Variants in CDC27 observed in about 807,000 individuals in gnomAD.
The protein encoded by CDC27 is cell division cycle protein 27 homolog.
Under a neutral mutation model 109.7 loss-of-function variants are expected in CDC27, and 27 were observed. That is an observed-to-expected ratio of 0.25 (90% CI 0.18 to 0.34). The LOEUF (loss-of-function observed/expected upper bound fraction) is 0.34, where lower values mean the gene tolerates loss of function less well. Ranked by LOEUF, CDC27 falls within the 10% of genes least tolerant of loss-of-function variation. The pLI is 1.00. For synonymous variants in CDC27, 266 were observed against 333.9 expected, an observed-to-expected ratio of 0.80 and a Z score of 2.22; for missense variants, 579 against 960.2, an observed-to-expected ratio of 0.60 and a Z score of 5.25.
At chr17:47,163,294 G>A (rs1056531536) in intron 4 of CDC27, among the ~76,000 whole-genome samples, 50 of 152,162 alleles carry the variant, frequency 3.3e-4, no homozygotes, top group Admixed American at 1.5e-3. Flanking sequence ...CCACATGTAT[G>A]TATCTAGATT....
rs74720779 is a variant in CDC27, at chr17:47,189,218, G to C, written c.-46C>G. 3 of 1,541,860 alleles carry C rather than the reference G, an allele frequency of 1.9e-6. No homozygotes were observed. Among genetic ancestry groups the C allele is most frequent in the Non-Finnish European group, 2.7e-6 (3 of 1,114,504 alleles). The stretch of plus-strand genomic sequence containing the variant: ...TTCTGCAGTGCCTCAGGCCCCCCCT[G>C]TAGCGGCTCCGGCCCGGCCAGCCCC... On this transcript the variant is annotated 5_prime_UTR_variant, in exon 1 of 19. It introduces an in-frame stop codon into an upstream open reading frame of the 5' UTR. Transcript: ENST00000066544.
At chr17:47,140,270 A>G (rs1233457136) in intron 12 of CDC27, among the ~76,000 whole-genome samples, 1 of 152,090 alleles carries the variant, frequency 6.6e-6, no homozygotes, top group Non-Finnish European at 1.5e-5. Flanking sequence ...GTGCCACCAC[A>G]CCCAGCTAAT....
At chr17:47,129,605 A>G in intron 15 of CDC27, 84 bp from the exon 16 acceptor site, 1 of 893,712 alleles carries the variant, frequency 1.1e-6, no homozygotes, top group Non-Finnish European at 1.7e-6. Flanking sequence ...AAACCAACAT[A>G]ATCAAATTAT....
At chr17:47,176,492 A>G (rs986031731) in intron 2 of CDC27, among the ~76,000 whole-genome samples, 4 of 152,226 alleles carry the variant, frequency 2.6e-5, no homozygotes, top group Non-Finnish European at 5.9e-5. Flanking sequence ...TAGAGTAAAA[A>G]GACCACAAAT....
In CDC27 at chr17:47,120,645, T is replaced by C; in HGVS notation, c.*290A>G. The C allele has an allele frequency of 3.5e-6, 1 of 283,704 alleles. No homozygotes were observed. The highest frequency in any genetic ancestry group is 6.6e-6 in the Non-Finnish European group (1 of 150,692). 17.6% of individuals were successfully genotyped at this position (283,704 alleles called of 1,614,324 possible). A position where few individuals can be genotyped will look rare whatever the true frequency, so the allele number is the denominator to read the frequency against. The stretch of plus-strand genomic sequence containing the variant: ...AGATAAAGCATAACTCTTCCTTTCA[T>C]GATACTTTCCAACAAAGGGAGATTA... On this transcript the variant is annotated 3_prime_UTR_variant, in exon 19 of 19. Coordinates refer to ENST00000066544, the MANE Select transcript of CDC27 (RefSeq NM_001256.6).
intron 14 of CDC27, among the ~76,000 whole-genome samples, chr17:47,135,146 ACTC>A (rs1426423698): frequency 1.3e-5 from 2 of 152,058 alleles, no homozygotes; most frequent in African/African-American, 4.8e-5. Flanking sequence ...TAAAGGCTGA[ACTC>A]CTAACAATGC....
chr17:47,152,677 G>T (rs1250836793), intron 8 of CDC27, among the ~76,000 whole-genome samples: 1 of 152,078 alleles, frequency 6.6e-6, no homozygotes, highest in African/African-American at 2.4e-5. Context: ...CTGATGTCCT[G>T]TACACAATCC....
intron 16 of CDC27, among the ~76,000 whole-genome samples, chr17:47,127,579 T>C (rs2062183722): frequency 6.6e-6 from 1 of 152,060 alleles, no homozygotes. Flanking sequence ...ATTTTTGTAT[T>C]TTTAGTAGAG....
chr17:47,181,907 TC>T (rs897580028), intron 1 of CDC27, among the ~76,000 whole-genome samples: 4 of 152,182 alleles, frequency 2.6e-5, no homozygotes, highest in African/African-American at 7.2e-5. Context: ...CAATGTGGGC[TC>T]CCCTCACCAG....
intron 4 of CDC27, among the ~76,000 whole-genome samples, chr17:47,168,454 G>C (rs961947620): frequency 6.6e-5 from 10 of 152,094 alleles, no homozygotes; most frequent in Non-Finnish European, 1.5e-5. Context: ...TTTGTTTACT[G>C]TTTCTCTTCT....
At chr17:47,144,871 T>TCACA (rs35160918) in intron 9 of CDC27, among the ~76,000 whole-genome samples, 6,577 of 149,960 alleles carry the variant, frequency 0.044, 192 homozygotes, top group Non-Finnish European at 0.064. Flanking sequence ...TGTGTGTATA[T>TCACA]CACACACACA....
At chr17:47,123,812 A>T in intron 17 of CDC27, 74 bp downstream of exon 17, 3 of 1,049,366 alleles carry the variant, frequency 2.9e-6, no homozygotes, top group Non-Finnish European at 4.2e-6. Flanking sequence ...TACAGGAAGT[A>T]TTACATTTAT....
chr17:47,146,885 C>T (rs892937340), intron 9 of CDC27, among the ~76,000 whole-genome samples: 5 of 151,822 alleles, frequency 3.3e-5, no homozygotes, highest in African/African-American at 1.2e-4. Flanking sequence ...AGCAACACAG[C>T]AAGACCCCAT....
chr17:47,123,988 G>A (rs2062053532), intron 16 of CDC27, 28 bp from the exon 17 acceptor site: 1 of 1,519,032 alleles, frequency 6.6e-7, no homozygotes, highest in Non-Finnish European at 8.9e-7. Context: ...AAACCTTAAA[G>A]TAGCAAAAAT....
chr17:47,189,007 A>T, intron 1 of CDC27, 139 bp downstream of exon 1: 1 of 1,501,136 alleles, frequency 6.7e-7, no homozygotes, highest in Non-Finnish European at 9.0e-7. Context: ...CGAACTGACT[A>T]AAGATAGGCA....
At chr17:47,181,089 CA>C (rs542120720) in intron 2 of CDC27, among the ~76,000 whole-genome samples, 275 of 129,782 alleles carry the variant, frequency 2.1e-3, no homozygotes, top group Admixed American at 2.7e-3. Flanking sequence ...CTATCTCTAC[CA>C]AAAAAAAAAA....
At chr17:47,189,066 C>T in intron 1 of CDC27, 80 bp downstream of exon 1, 1 of 1,547,338 alleles carries the variant, frequency 6.5e-7, no homozygotes, top group Non-Finnish European at 8.9e-7. Flanking sequence ...CTAGGCCGCA[C>T]CAGGCCGCGG....
At chr17:47,172,432 G>A (rs908601685) in intron 2 of CDC27, among the ~76,000 whole-genome samples, 4 of 152,000 alleles carry the variant, frequency 2.6e-5, no homozygotes, top group African/African-American at 9.7e-5. Flanking sequence ...CGGGAGGATA[G>A]AAGTCAAATT....
In CDC27 at chr17:47,168,342, G is replaced by A. The variant is rs567259274; in HGVS notation, c.377+1575C>T. 3.9e-5 allele frequency among the ~76,000 whole-genome samples: 6 copies of A among 152,178 alleles called. No homozygotes were observed. The South Asian group carries it at 6.2e-4, about 16-fold the overall frequency. On this transcript the variant is annotated intron_variant, in intron 4 of 18. Coordinates refer to ENST00000066544, the MANE Select transcript of CDC27 (RefSeq NM_001256.6). ...GGGGATGCCAGCTACCAGTCAATTC[G>A]TTTGCATACAAAAAGATATCACTTT...
Sources: gnomAD v4.1 joint callset for allele counts (sites outside exome capture counted in the v4.1 genomes callset) on GRCh38, gnomAD v4.1.1 for gene constraint, MANE v1.5 for transcripts, NCBI Gene and HGNC (gene_info 2026-07-23, HGNC 2026-07-21) for gene names.